Variants in NR3C1 observed in about 807,000 individuals in gnomAD.
NR3C1 encodes the protein glucocorticoid receptor.
Under a neutral mutation model 74.0 loss-of-function variants are expected in NR3C1, and 14 were observed. The observed-to-expected ratio is 0.19, with a 90% CI of 0.12 to 0.30. The LOEUF is 0.30. Among genes scored for constraint, NR3C1 ranks in the 10% least tolerant of loss-of-function variants. NR3C1 has a pLI of 1.00. For missense variants in NR3C1, 695 were observed against 909.8 expected (o/e 0.76, Z 3.04); for synonymous variants, 308 against 332.5 (o/e 0.93, Z 0.80).
At chr5:143,302,313 A>C (rs1483668240) in intron 4 of NR3C1, among the ~76,000 whole-genome samples, 2 of 152,144 alleles carry the variant, frequency 1.3e-5, no homozygotes, top group Non-Finnish European at 2.9e-5. Context: ...GAATATTTTA[A>C]ATTTGGATAT....
chr5:143,337,085 A>G (rs1436660432), intron 2 of NR3C1, among the ~76,000 whole-genome samples: 4 of 152,204 alleles, frequency 2.6e-5, no homozygotes, highest in Admixed American at 2.6e-4. Context: ...ACAAAATGAT[A>G]AAGAATTAGG....
intron 2 of NR3C1, among the ~76,000 whole-genome samples, chr5:143,331,255 C>T (rs1328980828): frequency 6.6e-6 from 1 of 152,100 alleles, no homozygotes; most frequent in African/African-American, 2.4e-5. Flanking sequence ...CCAGTCAGAA[C>T]AGCTATTATT....
chr5:143,433,540 T>A (rs1189468842), intron 1 of NR3C1, among the ~76,000 whole-genome samples: 1 of 148,714 alleles, frequency 6.7e-6, no homozygotes, highest in East Asian at 2.0e-4. Context: ...TTGGCTGTTA[T>A]TGGCACCTTG....
At position 143,296,636 on chromosome 5, in the gene NR3C1, T is replaced by C. The variant is rs536662443; in HGVS notation, c.1893-1046A>G. ...TGTAAAAACAACAACAATTTTTTTT[T>C]CCCCCACAACGTTCTGACCTAAGGG... On this transcript the variant is annotated intron_variant, in intron 6 of 8. Transcript: ENST00000394464. Among the ~76,000 whole-genome samples, 10 of 152,242 alleles carry C rather than the reference T, an allele frequency of 6.6e-5. 1 individual carries two copies. Among genetic ancestry groups the C allele is most frequent in the Admixed American group, 1.3e-4 (2 of 15,296 alleles).
intron 4 of NR3C1, among the ~76,000 whole-genome samples, chr5:143,305,352 TAA>T (rs1357524310): frequency 6.6e-6 from 1 of 152,078 alleles, no homozygotes; most frequent in Non-Finnish European, 1.5e-5. Flanking sequence ...TTCAAAGAAT[TAA>T]GAGTTTAACT....
At chr5:143,414,381 A>G (rs1325912157) in intron 1 of NR3C1, among the ~76,000 whole-genome samples, 1 of 152,196 alleles carries the variant, frequency 6.6e-6, no homozygotes, top group Non-Finnish European at 1.5e-5. Flanking sequence ...AAGCCTCTGC[A>G]CTGGGCAGGC....
intron 2 of NR3C1, among the ~76,000 whole-genome samples, chr5:143,357,649 A>T (rs1207286739): frequency 6.6e-6 from 1 of 152,208 alleles, no homozygotes; most frequent in African/African-American, 2.4e-5. Flanking sequence ...AGATTCCTAG[A>T]TTCCACACTC....
chr5:143,343,561 C>T (rs144250569), intron 2 of NR3C1, among the ~76,000 whole-genome samples: 8 of 152,310 alleles, frequency 5.3e-5, no homozygotes, highest in Non-Finnish European at 1.0e-4. Context: ...ATTATCTGCA[C>T]AATTTCATAT....
chr5:143,377,963 T>C (rs962712392), intron 2 of NR3C1, among the ~76,000 whole-genome samples: 17 of 152,134 alleles, frequency 1.1e-4, no homozygotes, highest in African/African-American at 2.9e-4. Context: ...AAGGATGAAA[T>C]TGGGGGCCAG....
chr5:143,423,897 C>CAG (rs1222844122), intron 1 of NR3C1, among the ~76,000 whole-genome samples: 6 of 147,212 alleles, frequency 4.1e-5, no homozygotes, highest in Admixed American at 2.1e-4. Context: ...TGTGGGAACT[C>CAG]AGAGAGAGAA....
intron 2 of NR3C1, among the ~76,000 whole-genome samples, chr5:143,331,486 T>C (rs1825927942): frequency 1.3e-5 from 2 of 152,198 alleles, no homozygotes; most frequent in African/African-American, 4.8e-5. Flanking sequence ...TGCATGTGTA[T>C]GTTCACTGCA....
At chr5:143,404,022 G>C (rs1291127756), upstream of NR3C1, 2 of 985,364 alleles carry the variant, frequency 2.0e-6, no homozygotes, top group Admixed American at 6.2e-5. Flanking sequence ...GGGCCACCGA[G>C]TTTCTCCAGT....
At chr5:143,351,801 C>T (rs143397197) in intron 2 of NR3C1, among the ~76,000 whole-genome samples, 227 of 152,166 alleles carry the variant, frequency 1.5e-3, no homozygotes, top group African/African-American at 5.0e-3. Flanking sequence ...AGAAGCTATC[C>T]GATGGTTCCT....
intron 4 of NR3C1, among the ~76,000 whole-genome samples, chr5:143,307,789 G>C (rs952852632): frequency 9.8e-5 from 15 of 152,326 alleles, no homozygotes; most frequent in African/African-American, 3.4e-4. Flanking sequence ...GGAGATTAGA[G>C]AGCAGCAAGA....
At chr5:143,322,169 G>A (rs552779377) in intron 2 of NR3C1, among the ~76,000 whole-genome samples, 2 of 152,260 alleles carry the variant, frequency 1.3e-5, no homozygotes, top group African/African-American at 4.8e-5. Context: ...GACCTAAGAG[G>A]TGGGTACTAT....
chr5:143,333,178 A>C, intron 2 of NR3C1: 2 of 1,576,504 alleles, frequency 1.3e-6, no homozygotes, highest in Non-Finnish European at 1.7e-6. Context: ...TTCCTCAAGG[A>C]GATGGGCACA....
chr5:143,286,080 A>ATAACT (rs1399218555), intron 7 of NR3C1, among the ~76,000 whole-genome samples: 7 of 152,134 alleles, frequency 4.6e-5, no homozygotes, highest in Admixed American at 3.3e-4. Flanking sequence ...AATATTATGA[A>ATAACT]TAACTTAACT....
chr5:143,372,014 CTATA>C (rs1327943338), intron 2 of NR3C1, among the ~76,000 whole-genome samples: 1 of 152,144 alleles, frequency 6.6e-6, no homozygotes, highest in Admixed American at 6.5e-5. Context: ...GTACCAAACA[CTATA>C]TATACTTACC....
At chr5:143,288,302 G>C in intron 7 of NR3C1, among the ~76,000 whole-genome samples, 1 of 151,270 alleles carries the variant, frequency 6.6e-6, no homozygotes, top group African/African-American at 2.4e-5. Flanking sequence ...TGTATTTTTA[G>C]TAGAGACAGG....
Sources: gnomAD v4.1 joint callset for allele counts (sites outside exome capture counted in the v4.1 genomes callset) on GRCh38, gnomAD v4.1.1 for gene constraint, MANE v1.5 for transcripts, NCBI Gene and HGNC (gene_info 2026-07-23, HGNC 2026-07-21) for gene names.